The following RPS6KA2 variants were observed in gnomAD, a reference collection of about 807,000 sequenced individuals.
RPS6KA2 encodes ribosomal protein S6 kinase alpha-2.
In RPS6KA2, 42 loss-of-function variants were observed where a neutral mutation model predicts 91.8. The observed-to-expected ratio is 0.46, with a 90% confidence interval of 0.36 to 0.59. The LOEUF is 0.59. Among genes scored for constraint, RPS6KA2 ranks in the 20% least tolerant of loss-of-function variants. The probability of loss-of-function intolerance (pLI) is 0.00; values close to 1 mark genes in which losing one functional copy is unlikely to be tolerated. For synonymous variants in RPS6KA2, 414 were observed against 393.6 expected (o/e 1.05, Z -0.61); for missense variants, 798 against 978.5 (o/e 0.82, Z 2.46).
chr6:166,790,887 C>T (rs991678571), intron 2 of RPS6KA2, among the ~76,000 whole-genome samples: 9 of 152,018 alleles, frequency 5.9e-5, no homozygotes, highest in South Asian at 2.1e-4. Flanking sequence ...AAGGAACAAC[C>T]GGTACCAGCC....
intron 2 of RPS6KA2, among the ~76,000 whole-genome samples, chr6:166,843,876 A>G (rs1050708600): frequency 1.3e-5 from 2 of 152,132 alleles, no homozygotes; most frequent in African/African-American, 4.8e-5. Context: ...AACACCTCCA[A>G]AAGATCACAC....
Position 166,849,298 on chromosome 6 carries a change from C to G in RPS6KA2, c.123+8902G>C, listed in dbSNP as rs962634353. Among the ~76,000 whole-genome samples the G allele has an allele frequency of 9.2e-5, 14 of 152,230 alleles. No homozygotes were observed. Among genetic ancestry groups the G allele is most frequent in the Admixed American group, 6.5e-4 (10 of 15,288 alleles). ...CCCATGCCTCTGCTGGTATGGCCCA[C>G]GCAGAGCACTCCCTGTCACCCTATT... On this transcript the variant is annotated intron_variant, in intron 2 of 21. Transcript: ENST00000503859. This position sits in a 1 kb window ranked among gnomAD's most constrained non-coding sequence, Gnocchi z 4.9.
chr6:166,753,879 G>A (rs1015786631), intron 2 of RPS6KA2, among the ~76,000 whole-genome samples: 2 of 152,174 alleles, frequency 1.3e-5, no homozygotes, highest in African/African-American at 2.4e-5. Context: ...CCACTTTCCC[G>A]AAATTTCAAG....
At chr6:166,436,440 T>C (rs1014599233) in intron 14 of RPS6KA2, among the ~76,000 whole-genome samples, 16 of 151,460 alleles carry the variant, frequency 1.1e-4, no homozygotes, top group African/African-American at 3.9e-4. Context: ...CAAGGCACAG[T>C]GTAATGCCTT....
chr6:166,761,200 G>A (rs1161807316), intron 2 of RPS6KA2, among the ~76,000 whole-genome samples: 3 of 152,020 alleles, frequency 2.0e-5, no homozygotes, highest in East Asian at 1.9e-4. Flanking sequence ...AGTAGCCACC[G>A]CACCCGGCTA....
intron 12 of RPS6KA2, among the ~76,000 whole-genome samples, chr6:166,457,905 T>A (rs1780155569): frequency 6.6e-6 from 1 of 152,070 alleles, no homozygotes; most frequent in African/African-American, 2.4e-5. Context: ...AATAAGAAAA[T>A]TTCAGATTCA....
chr6:166,834,322 G>T (rs182530331), intron 2 of RPS6KA2, among the ~76,000 whole-genome samples: 82 of 152,170 alleles, frequency 5.4e-4, no homozygotes, highest in African/African-American at 1.9e-3. Context: ...CTCATTTGCC[G>T]TTCTCATGTC....
At chr6:166,655,798 G>A (rs1008414618) in intron 2 of RPS6KA2, among the ~76,000 whole-genome samples, 1 of 152,180 alleles carries the variant, frequency 6.6e-6, no homozygotes, top group Non-Finnish European at 1.5e-5. Flanking sequence ...CACCAGTTTG[G>A]AAAACAACAA....
At chr6:166,831,355 C>T (rs1189868937) in intron 2 of RPS6KA2, among the ~76,000 whole-genome samples, 1 of 152,130 alleles carries the variant, frequency 6.6e-6, no homozygotes, top group Non-Finnish European at 1.5e-5. Flanking sequence ...CACAGTGGGT[C>T]CGTGGCCATG....
At position 166,781,182 on chromosome 6, in the gene RPS6KA2, A is replaced by G. The variant is rs1383783446; in HGVS notation, c.123+77018T>C. Among the ~76,000 whole-genome samples, 5 of 152,350 alleles carry G rather than the reference A, an allele frequency of 3.3e-5. No individual in the cohort carries two copies. The East Asian group carries it at 7.7e-4, about 23-fold the overall frequency. On this transcript the variant is annotated intron_variant, in intron 2 of 21. Transcript: ENST00000503859. The stretch of plus-strand genomic sequence containing the variant: ...CATAGCTTTAGAAAGACCAATCAAC[A>G]CATCAGGTTCTTATTAAGTGTATTT...
intron 11 of RPS6KA2, chr6:166,462,856 AG>A (rs1164485521): frequency 1.3e-5 from 2 of 152,318 alleles, no homozygotes; most frequent in Admixed American, 6.5e-5. Context: ...GCGCTTGCTG[AG>A]GGCCAGGGCC....
intron 2 of RPS6KA2, among the ~76,000 whole-genome samples, chr6:166,692,844 G>A (rs1338563338): frequency 2.6e-5 from 4 of 152,188 alleles, no homozygotes; most frequent in African/African-American, 9.7e-5. Context: ...GAGAGAGCAT[G>A]TCGCCTAAGT....
intron 2 of RPS6KA2, among the ~76,000 whole-genome samples, chr6:166,803,830 AT>A (rs1266644850): frequency 5.3e-5 from 8 of 152,170 alleles, no homozygotes; most frequent in Non-Finnish European, 1.2e-4. Context: ...TTTCTAAGCC[AT>A]TTTTTTCATT....
At chr6:166,560,747 A>C (rs960780638) in intron 1 of RPS6KA2, among the ~76,000 whole-genome samples, 4 of 152,172 alleles carry the variant, frequency 2.6e-5, no homozygotes, top group African/African-American at 9.7e-5. Context: ...AACGTGACCA[A>C]GTGAACAGGA....
chr6:166,431,318 A>G (rs1240572951), intron 15 of RPS6KA2, among the ~76,000 whole-genome samples: 3 of 152,214 alleles, frequency 2.0e-5, no homozygotes, highest in African/African-American at 7.2e-5. Flanking sequence ...TCAAACTGTA[A>G]CGTGCATCCA....
At chr6:166,731,673 G>A (rs1480095015) in intron 2 of RPS6KA2, among the ~76,000 whole-genome samples, 1 of 151,922 alleles carries the variant, frequency 6.6e-6, no homozygotes, top group East Asian at 1.9e-4. Flanking sequence ...AAATGACCCT[G>A]GCCTTGCCTT....
chr6:166,753,430 T>A (rs1306604693), intron 2 of RPS6KA2, among the ~76,000 whole-genome samples: 5 of 152,240 alleles, frequency 3.3e-5, no homozygotes, highest in Non-Finnish European at 7.3e-5. Flanking sequence ...TGTTGGAATT[T>A]TTTTCTTGTC....
chr6:166,778,041 C>T (rs979082952), intron 2 of RPS6KA2, among the ~76,000 whole-genome samples: 4 of 152,132 alleles, frequency 2.6e-5, no homozygotes, highest in South Asian at 2.1e-4. Context: ...CCAAAAAGGA[C>T]GATTTTTTCT....
intron 2 of RPS6KA2, among the ~76,000 whole-genome samples, chr6:166,645,253 T>C (rs544966426): frequency 6.6e-6 from 1 of 152,292 alleles, no homozygotes; most frequent in African/African-American, 2.4e-5. Flanking sequence ...CACCTTTCAA[T>C]ATGAAGAATG....
Sources: allele counts gnomAD v4.1 joint callset (sites outside exome capture counted in the v4.1 genomes callset), GRCh38; gene constraint gnomAD v4.1.1; non-coding constraint Gnocchi (gnomAD v3.1); transcripts MANE v1.5; gene names NCBI Gene and HGNC (gene_info 2026-07-23, HGNC 2026-07-21).